Variants in ARMH3 observed in about 807,000 individuals in gnomAD.
ARMH3 encodes armadillo-like helical domain-containing protein 3.
Under a neutral mutation model 99.1 loss-of-function variants are expected in ARMH3, and 60 were observed. That is an observed-to-expected ratio of 0.61 (90% CI 0.49 to 0.75). ARMH3 has a LOEUF of 0.75. Ranked by LOEUF, ARMH3 falls within the 30% of genes least tolerant of loss-of-function variation. ARMH3 has a pLI of 0.00. For synonymous variants in ARMH3, 285 were observed against 292.8 expected (o/e 0.97, Z 0.27); for missense variants, 679 against 843.1 (o/e 0.81, Z 2.41).
intron 5 of ARMH3, among the ~76,000 whole-genome samples, chr10:102,026,029 T>C (rs1482514877): frequency 2.0e-5 from 3 of 152,286 alleles, no homozygotes; most frequent in Non-Finnish European, 4.4e-5. Context: ...TTACAGGCTA[T>C]CACTAGCCAT....
chr10:101,899,656 A>G (rs2067926230), intron 23 of ARMH3, among the ~76,000 whole-genome samples: 1 of 152,156 alleles, frequency 6.6e-6, no homozygotes, highest in Admixed American at 6.5e-5. Context: ...ACAAAATAAA[A>G]CCTCAAGTAA....
At chr10:101,868,139 T>C (rs1472007647) in intron 24 of ARMH3, among the ~76,000 whole-genome samples, 4 of 152,146 alleles carry the variant, frequency 2.6e-5, no homozygotes, top group African/African-American at 7.2e-5. Context: ...ATATGGATCT[T>C]GGAGAAATTC....
intron 5 of ARMH3, among the ~76,000 whole-genome samples, chr10:102,027,278 C>CA (rs1228063848): frequency 0.093 from 5,172 of 55,888 alleles, 219 homozygotes; most frequent in African/African-American, 0.19. Context: ...GATTCCGTCT[C>CA]AAAAAAAAAA....
chr10:101,881,714 T>C (rs113707189), intron 24 of ARMH3, among the ~76,000 whole-genome samples: 1,582 of 152,342 alleles, frequency 0.01, 29 homozygotes, highest in African/African-American at 0.032. Context: ...ATAGGGATTA[T>C]GGAGGCTGTG....
chr10:101,920,746 G>T (rs1843274058), intron 23 of ARMH3, among the ~76,000 whole-genome samples: 1 of 151,970 alleles, frequency 6.6e-6, no homozygotes, highest in African/African-American at 2.4e-5. Flanking sequence ...AGCAACCCAA[G>T]GGTCACCAAC....
intron 24 of ARMH3, 36 bp downstream of exon 24, chr10:101,889,376 C>T (rs1290448403): frequency 6.4e-7 from 1 of 1,566,368 alleles, no homozygotes; most frequent in Non-Finnish European, 8.8e-7. Context: ...TGATCCTAGC[C>T]ACCAACTAGG....
rs968067883 is a variant in ARMH3, at chr10:102,051,886, C to T, written c.-12+4199G>A. Among the ~76,000 whole-genome samples the T allele has an allele frequency of 6.6e-5, 10 of 152,160 alleles. 1 individual carries two copies. Among genetic ancestry groups the T allele is most frequent in the Admixed American group, 5.9e-4 (9 of 15,270 alleles). On this transcript the variant is annotated intron_variant, in intron 1 of 25. Transcript: ENST00000370033. ...CGTTCATTTAAATAAACATGACCAC[C>T]TTTGGTTCCCTTTCAAATTATCCTA...
At chr10:102,055,011 C>A in intron 1 of ARMH3, among the ~76,000 whole-genome samples, 1 of 135,336 alleles carries the variant, frequency 7.4e-6, no homozygotes, top group African/African-American at 2.8e-5. Context: ...AAACAAAAAA[C>A]AAAACAAACA....
intron 20 of ARMH3, among the ~76,000 whole-genome samples, chr10:101,972,539 A>C (rs1237683983): frequency 2.6e-5 from 4 of 152,230 alleles, no homozygotes; most frequent in Non-Finnish European, 5.9e-5. Context: ...AAACATGAGC[A>C]ATCCAACATA....
At position 101,846,544 on chromosome 10, in the gene ARMH3, A is replaced by T. The variant is rs1484153732; in HGVS notation, c.*984T>A. Reference sequence around the variant, plus strand: ...GCTGATGAGTCAAATGGGCCAGAAGAAGGGGAAAGCTAACGGTACTCCTGG... The same window carrying T: ...GCTGATGAGTCAAATGGGCCAGAAGTAGGGGAAAGCTAACGGTACTCCTGG... On this transcript the variant is annotated 3_prime_UTR_variant, in exon 26 of 26. Transcript: ENST00000370033. The T allele has an allele frequency of 1.3e-5, 2 of 152,376 alleles. No individual in the cohort carries two copies. Among genetic ancestry groups the T allele is most frequent in the Non-Finnish European group, 2.9e-5 (2 of 68,182 alleles). The allele number at this position is 152,376 out of a possible 1,614,324, so 9.4% of individuals were successfully genotyped here.
At chr10:102,009,304 G>C in intron 13 of ARMH3, 70 bp downstream of exon 13, 4 of 1,401,584 alleles carry the variant, frequency 2.9e-6, no homozygotes, top group Non-Finnish European at 4.0e-6. Context: ...AGCCAGATAG[G>C]CTTTTCAATG....
intron 24 of ARMH3, among the ~76,000 whole-genome samples, chr10:101,876,196 C>G (rs2067259436): frequency 7.8e-6 from 1 of 128,668 alleles, no homozygotes; most frequent in East Asian, 2.5e-4. Flanking sequence ...TTGCAGTAAG[C>G]TGAGATAGCG....
chr10:101,881,450 T>C (rs967208850), intron 24 of ARMH3, among the ~76,000 whole-genome samples: 1 of 152,164 alleles, frequency 6.6e-6, no homozygotes, highest in African/African-American at 2.4e-5. Flanking sequence ...TTCTGCAAGA[T>C]GAAAAAGTTC....
chr10:102,028,547 A>T (rs2136190378), intron 5 of ARMH3, among the ~76,000 whole-genome samples: 1 of 152,360 alleles, frequency 6.6e-6, no homozygotes, highest in South Asian at 2.1e-4. Context: ...AGCCAAAGGA[A>T]TATTATTAGG....
chr10:101,864,060 CAA>C (rs71485765), intron 24 of ARMH3, among the ~76,000 whole-genome samples: 1,256 of 105,586 alleles, frequency 0.012, 15 homozygotes, highest in African/African-American at 0.03. Context: ...GACTCCATCT[CAA>C]AAAAAAAAAA....
intron 20 of ARMH3, among the ~76,000 whole-genome samples, chr10:101,970,153 A>C (rs1005601542): frequency 6.6e-6 from 1 of 152,160 alleles, no homozygotes; most frequent in Non-Finnish European, 1.5e-5. Context: ...ACAACTACAC[A>C]CTTCTCTCTG....
chr10:101,892,963 T>C (rs1417099883), intron 23 of ARMH3, among the ~76,000 whole-genome samples: 5 of 152,210 alleles, frequency 3.3e-5, no homozygotes, highest in Non-Finnish European at 4.4e-5. Flanking sequence ...AGGCTGAGGT[T>C]TGCTCTAATT....
At chr10:101,901,907 T>A (rs966207979) in intron 23 of ARMH3, among the ~76,000 whole-genome samples, 2 of 152,186 alleles carry the variant, frequency 1.3e-5, no homozygotes, top group Non-Finnish European at 2.9e-5. Flanking sequence ...AGTTAAAACT[T>A]CATTGCAAAA....
At chr10:102,008,112 T>C (rs1052777279) in intron 13 of ARMH3, among the ~76,000 whole-genome samples, 3 of 152,170 alleles carry the variant, frequency 2.0e-5, no homozygotes, top group African/African-American at 7.2e-5. Context: ...TCCTTTACAA[T>C]CAGTTATAGG....
Sources: gnomAD v4.1 joint callset for allele counts (sites outside exome capture counted in the v4.1 genomes callset) on GRCh38, gnomAD v4.1.1 for gene constraint, MANE v1.5 for transcripts, NCBI Gene and HGNC (gene_info 2026-07-23, HGNC 2026-07-21) for gene names.